The following FRMD4A variants were observed in gnomAD, a reference collection of about 807,000 sequenced individuals.
FRMD4A encodes the protein FERM domain containing 4A.
FRMD4A carries 29 observed loss-of-function variants against 129.1 expected under a neutral mutation model. The ratio of observed to expected loss-of-function variants is 0.22; its 90% CI spans 0.17 to 0.31. The LOEUF is 0.31. Among genes scored for constraint, FRMD4A ranks in the 10% least tolerant of loss-of-function variants. The pLI, the probability that FRMD4A is intolerant of heterozygous loss-of-function variation, is 1.00. For synonymous variants in FRMD4A, 634 were observed against 571.6 expected (o/e 1.11, Z -1.56); for missense variants, 1,272 against 1,375.8 (o/e 0.92, Z 1.19).
chr10:13,967,194 A>G (rs1393528385), intron 2 of FRMD4A, among the ~76,000 whole-genome samples: 1 of 152,186 alleles, frequency 6.6e-6, no homozygotes, highest in Non-Finnish European at 1.5e-5. Context: ...AAAATTAGCC[A>G]GGCTTGGTGG....
At position 13,849,544 on chromosome 10, in the gene FRMD4A, G is replaced by C. The variant is rs371530361; in HGVS notation, c.111+9303C>G. 3.3e-5 allele frequency among the ~76,000 whole-genome samples: 5 copies of C among 150,132 alleles called. No homozygotes were observed. The East Asian group carries it at 9.9e-4, about 30-fold the overall frequency. ...TGCCCAGGCTAGAGTGCAATGGTGC[G>C]ATCTTGGCTCACTGCAACCTCCATC... On this transcript the variant is annotated intron_variant, in intron 3 of 24. Transcript: ENST00000357447.
intron 2 of FRMD4A, among the ~76,000 whole-genome samples, chr10:14,194,479 CA>C (rs2131928262): frequency 6.6e-6 from 1 of 152,294 alleles, no homozygotes; most frequent in African/African-American, 2.4e-5. Flanking sequence ...GGCGTGGTGG[CA>C]GGCACCTATA....
rs544570023 is a variant in FRMD4A, at chr10:14,312,409, G to A, written c.45+17649C>T. Among the ~76,000 whole-genome samples the A allele has an allele frequency of 6.6e-5, 10 of 152,016 alleles. No individual in the cohort carries two copies. The East Asian group carries it at 7.7e-4, about 12-fold the overall frequency. Reference sequence around the variant, plus strand: ...CAAAAGTAGAATTAAAAACTAATTCGCATGATATCCCTTTGAAGATGATAA... The same window carrying A: ...CAAAAGTAGAATTAAAAACTAATTCACATGATATCCCTTTGAAGATGATAA... On this transcript the variant is annotated intron_variant, in intron 2 of 24. Coordinates refer to ENST00000357447, the MANE Select transcript of FRMD4A (RefSeq NM_018027.5).
At chr10:14,250,105 T>C (rs1338031927) in intron 2 of FRMD4A, among the ~76,000 whole-genome samples, 1 of 152,070 alleles carries the variant, frequency 6.6e-6, no homozygotes, top group East Asian at 1.9e-4. Flanking sequence ...CGATTACAGG[T>C]GCGTGCTACC....
chr10:14,320,570 C>A (rs1459376574), intron 2 of FRMD4A, among the ~76,000 whole-genome samples: 1 of 152,224 alleles, frequency 6.6e-6, no homozygotes, highest in Non-Finnish European at 1.5e-5. Context: ...CCTGTCCCTG[C>A]CCCTGCCTCT....
intron 2 of FRMD4A, among the ~76,000 whole-genome samples, chr10:14,110,368 C>T (rs1250241326): frequency 6.6e-6 from 1 of 152,006 alleles, no homozygotes; most frequent in Non-Finnish European, 1.5e-5. Context: ...AAAAAAATTC[C>T]TTCTTGCCCA....
intron 2 of FRMD4A, among the ~76,000 whole-genome samples, chr10:14,095,186 A>G (rs1836885343): frequency 6.6e-6 from 1 of 152,236 alleles, no homozygotes; most frequent in South Asian, 2.1e-4. Context: ...GGCCGAAATA[A>G]AACTCTAAGA....
At chr10:13,844,288 C>T (rs977148969) in intron 3 of FRMD4A, among the ~76,000 whole-genome samples, 1 of 152,044 alleles carries the variant, frequency 6.6e-6, no homozygotes, top group Admixed American at 6.6e-5. Context: ...TGTTAATCTC[C>T]CAAAGGTGAG....
chr10:13,841,180 T>C (rs928243551), intron 3 of FRMD4A, among the ~76,000 whole-genome samples: 15 of 152,212 alleles, frequency 9.9e-5, no homozygotes, highest in African/African-American at 3.6e-4. Flanking sequence ...AGAGACTTCA[T>C]ACATTAACTT....
At chr10:13,969,452 G>A (rs547775593) in intron 2 of FRMD4A, among the ~76,000 whole-genome samples, 8 of 152,306 alleles carry the variant, frequency 5.3e-5, no homozygotes, top group Admixed American at 2.6e-4. Flanking sequence ...TTCCAGGCCC[G>A]GTGGCCAATC....
intron 2 of FRMD4A, among the ~76,000 whole-genome samples, chr10:14,174,135 C>T (rs977825957): frequency 2.6e-5 from 4 of 152,054 alleles, no homozygotes; most frequent in Non-Finnish European, 5.9e-5. Context: ...AGAGCCATGT[C>T]GGGAGCCGTG....
At chr10:14,291,687 T>C (rs1845854200) in intron 2 of FRMD4A, among the ~76,000 whole-genome samples, 1 of 152,068 alleles carries the variant, frequency 6.6e-6, no homozygotes, top group African/African-American at 2.4e-5. Flanking sequence ...TACAAAAACC[T>C]TTAGAAAGTA....
At chr10:14,192,870 G>A (rs970822665) in intron 2 of FRMD4A, among the ~76,000 whole-genome samples, 1 of 152,180 alleles carries the variant, frequency 6.6e-6, no homozygotes, top group African/African-American at 2.4e-5. Context: ...TTTATTCACT[G>A]TTGCATTTCT....
intron 12 of FRMD4A, 44 bp from the exon 13 acceptor site, chr10:13,707,157 T>G: frequency 9.2e-7 from 1 of 1,083,654 alleles, no homozygotes; most frequent in Non-Finnish European, 1.4e-6. Context: ...AGGGGCTGGC[T>G]CCTGGGCCAT....
At chr10:14,189,830 TAATGAGAAC>T (rs1261544282) in intron 2 of FRMD4A, among the ~76,000 whole-genome samples, 2 of 152,190 alleles carry the variant, frequency 1.3e-5, no homozygotes, top group Non-Finnish European at 2.9e-5. Flanking sequence ...TGATGCTCAT[TAATGAGAAC>T]AATGGCAAAA....
At chr10:14,123,377 A>C (rs1004630436) in intron 2 of FRMD4A, among the ~76,000 whole-genome samples, 1 of 152,210 alleles carries the variant, frequency 6.6e-6, no homozygotes, top group Non-Finnish European at 1.5e-5. Flanking sequence ...TTCTGGATGA[A>C]GTTTTCAGCA....
At chr10:13,981,542 C>T (rs563665436) in intron 2 of FRMD4A, among the ~76,000 whole-genome samples, 7 of 151,826 alleles carry the variant, frequency 4.6e-5, no homozygotes, top group Non-Finnish European at 8.8e-5. Flanking sequence ...AGTTCAAGAC[C>T]AGCCTGGCCA....
At chr10:14,029,032 G>T (rs1398322492) in intron 2 of FRMD4A, among the ~76,000 whole-genome samples, 1 of 152,226 alleles carries the variant, frequency 6.6e-6, no homozygotes, top group Non-Finnish European at 1.5e-5. Flanking sequence ...CTGGCCGGTT[G>T]AGAATAATTA....
At chr10:13,920,780 G>C (rs972506899) in intron 2 of FRMD4A, among the ~76,000 whole-genome samples, 1 of 151,966 alleles carries the variant, frequency 6.6e-6, no homozygotes, top group Non-Finnish European at 1.5e-5. Context: ...TGTTTGTTTG[G>C]GCTTGAAAGC....
Sources: allele counts gnomAD v4.1 joint callset (sites outside exome capture counted in the v4.1 genomes callset), GRCh38; gene constraint gnomAD v4.1.1; transcripts MANE v1.5; gene names NCBI Gene and HGNC (gene_info 2026-07-23, HGNC 2026-07-21).